The following SRPK2 variants were observed in gnomAD, a reference collection of about 807,000 sequenced individuals.
The protein encoded by SRPK2 is SRSF protein kinase 2.
In SRPK2, 21 loss-of-function variants were observed where a neutral mutation model predicts 90.8. The ratio of observed to expected loss-of-function variants is 0.23; its 90% confidence interval spans 0.16 to 0.33. The LOEUF (loss-of-function observed/expected upper bound fraction) is 0.33, where lower values mean the gene tolerates loss of function less well. Ranked by LOEUF, SRPK2 falls within the 10% of genes least tolerant of loss-of-function variation. The probability of loss-of-function intolerance (pLI) is 1.00; values close to 1 mark genes in which losing one functional copy is unlikely to be tolerated. For synonymous variants in SRPK2, 288 were observed against 311.1 expected, an observed-to-expected ratio of 0.93 and a Z score of 0.78; for missense variants, 620 against 869.0, an observed-to-expected ratio of 0.71 and a Z score of 3.60.
chr7:105,388,507 G>A (rs1220939368), intron 2 of SRPK2, 141 bp downstream of exon 2: 1 of 449,112 alleles, frequency 2.2e-6, no homozygotes. Flanking sequence ...CCGCCCGCCG[G>A]GGGCAGGAGC....
intron 3 of SRPK2, among the ~76,000 whole-genome samples, chr7:105,171,923 A>C (rs542497723): frequency 1.3e-5 from 2 of 152,022 alleles, no homozygotes; most frequent in Non-Finnish European, 2.9e-5. Flanking sequence ...TTTGAGACCG[A>C]GTTTCGCTGT....
rs879260647 is a variant in SRPK2, at chr7:105,170,981, A to AAG, written c.230-1718_230-1717dup. Reference sequence around the variant, plus strand: ...AAAGAAAGAAAGAGAAAGAAAGAGAAAGAAAGAAAGAAAGAGAAAGAAAGA... The same window carrying AAG: ...AAAGAAAGAAAGAGAAAGAAAGAGAAAGAGAAAGAAAGAAAGAGAAAGAAAGA... On this transcript the variant is annotated intron_variant, in intron 3 of 15. Coordinates refer to ENST00000393651, the MANE Select transcript of SRPK2 (RefSeq NM_182692.3). Among the ~76,000 whole-genome samples, 440 of 137,574 alleles carry AAG rather than the reference A, an allele frequency of 3.2e-3. 22 individuals carry two copies. The highest frequency in any genetic ancestry group is 4.0e-3 in the Non-Finnish European group (250 of 63,202). 90.3% of individuals were successfully genotyped at this position (137,574 alleles called of 152,430 possible).
intron 3 of SRPK2, among the ~76,000 whole-genome samples, chr7:105,187,822 A>T (rs907855261): frequency 3.3e-4 from 50 of 152,104 alleles, no homozygotes; most frequent in African/African-American, 9.7e-4. Flanking sequence ...AAGGTTTTTT[A>T]AAAAAATAGG....
intron 15 of SRPK2, among the ~76,000 whole-genome samples, chr7:105,125,116 C>T (rs938460228): frequency 5.6e-5 from 6 of 107,316 alleles, no homozygotes; most frequent in African/African-American, 2.1e-4. Context: ...GGCAACAGAG[C>T]AAGACTCCAT....
intron 6 of SRPK2, among the ~76,000 whole-genome samples, chr7:105,165,690 A>C (rs1235440857): frequency 6.6e-6 from 1 of 152,210 alleles, no homozygotes; most frequent in Non-Finnish European, 1.5e-5. Context: ...TGTAAAATGG[A>C]CCAATCGGCA....
intron 2 of SRPK2, among the ~76,000 whole-genome samples, chr7:105,292,150 T>C (rs1809117551): frequency 6.6e-6 from 1 of 152,194 alleles, no homozygotes; most frequent in Admixed American, 6.5e-5. Flanking sequence ...GTTCATGAGT[T>C]GAAAGGTTAC....
At chr7:105,196,858 T>C (rs191188295) in intron 3 of SRPK2, among the ~76,000 whole-genome samples, 4 of 152,032 alleles carry the variant, frequency 2.6e-5, no homozygotes, top group African/African-American at 9.7e-5. Context: ...GAGACCAGCA[T>C]GGCCAACATG....
intron 2 of SRPK2, among the ~76,000 whole-genome samples, chr7:105,238,007 A>C (rs1450528588): frequency 1.3e-5 from 2 of 152,232 alleles, no homozygotes; most frequent in Admixed American, 6.5e-5. Flanking sequence ...AGTTAAAGGC[A>C]AGGCATATAT....
In SRPK2 at chr7:105,203,725, T is replaced by C; in HGVS notation, c.132A>G (p.Pro44=). 2 of 1,472,300 alleles carry C rather than the reference T, an allele frequency of 1.4e-6. No homozygotes were observed. The highest frequency in any genetic ancestry group is 1.8e-6 in the Non-Finnish European group (2 of 1,081,102). The allele number at this position is 1,472,300 out of a possible 1,614,324, so 91.2% of individuals were successfully genotyped here. The change falls in exon 3 of 16, where the codon CCA becomes CCG. Residue 44 remains proline (P), a synonymous_variant. Transcript: ENST00000393651. Reference sequence around the variant, plus strand: ...GTGTGGGGTCTGGCAAAGGTGGCGGTGGTGGTGGTGGTGGCGGTGGAGGAG... The same window carrying C: ...GTGTGGGGTCTGGCAAAGGTGGCGGCGGTGGTGGTGGTGGCGGTGGAGGAG... The part of the protein sequence containing the change: ...VPPPPPPPPP[P]PPPLPDPTPP...
At chr7:105,122,928 C>T (rs1430188656) in intron 15 of SRPK2, among the ~76,000 whole-genome samples, 2 of 151,838 alleles carry the variant, frequency 1.3e-5, no homozygotes, top group East Asian at 1.9e-4. Context: ...CCATTATCCA[C>T]GCAGCAATTT....
At chr7:105,378,053 A>G (rs1486890316) in intron 2 of SRPK2, among the ~76,000 whole-genome samples, 1 of 152,012 alleles carries the variant, frequency 6.6e-6, no homozygotes, top group African/African-American at 2.4e-5. Context: ...TGACTTCCTC[A>G]GAGCCCTATT....
chr7:105,370,597 TAA>T (rs1819579956), intron 2 of SRPK2, among the ~76,000 whole-genome samples: 1 of 150,428 alleles, frequency 6.6e-6, no homozygotes, highest in Non-Finnish European at 1.5e-5. Context: ...CCAATTTTTT[TAA>T]TTAATTTTTT....
In SRPK2 at chr7:105,358,927, C is replaced by CAGAG. The variant is rs57910582; in HGVS notation, c.71+29717_71+29720dup. On this transcript the variant is annotated intron_variant, in intron 2 of 15. Coordinates refer to ENST00000393651, the MANE Select transcript of SRPK2 (RefSeq NM_182692.3). ...CTGGAAGAAAGGGGTGCTAAGAACA[C>CAGAG]AGAGAGAGAGAGAGAGAGAGAAAGC... Among the ~76,000 whole-genome samples, 54 of 148,470 alleles carry CAGAG rather than the reference C, an allele frequency of 3.6e-4. 1 individual carries two copies. In the South Asian group the frequency reaches 4.1e-3, roughly 11 times the overall value.
chr7:105,307,112 G>C (rs1462937727), intron 2 of SRPK2, among the ~76,000 whole-genome samples: 1 of 152,140 alleles, frequency 6.6e-6, no homozygotes, highest in African/African-American at 2.4e-5. Context: ...AAGAACTAAT[G>C]AACTACCTTG....
At chr7:105,300,300 A>T (rs1460415483) in intron 2 of SRPK2, among the ~76,000 whole-genome samples, 3 of 151,270 alleles carry the variant, frequency 2.0e-5, no homozygotes, top group East Asian at 3.9e-4. Context: ...CATATTTAGA[A>T]CACTATGTGC....
At chr7:105,166,325 T>C (rs552686522) in intron 6 of SRPK2, among the ~76,000 whole-genome samples, 5 of 152,308 alleles carry the variant, frequency 3.3e-5, no homozygotes, top group East Asian at 3.9e-4. Context: ...ATTTTTGCAA[T>C]ACCAAGGAAA....
chr7:105,398,154 C>A (rs1041293008), intron 1 of SRPK2, among the ~76,000 whole-genome samples: 9 of 152,042 alleles, frequency 5.9e-5, no homozygotes, highest in African/African-American at 2.2e-4. Flanking sequence ...TATTTTTCCC[C>A]AATCTGTTAC....
chr7:105,118,361 T>C (rs1799851945), intron 15 of SRPK2, among the ~76,000 whole-genome samples: 1 of 152,208 alleles, frequency 6.6e-6, no homozygotes, highest in Non-Finnish European at 1.5e-5. Flanking sequence ...CAACCTGGGA[T>C]CTTCCGTAAA....
At chr7:105,227,099 C>G (rs530999033) in intron 2 of SRPK2, among the ~76,000 whole-genome samples, 1 of 152,202 alleles carries the variant, frequency 6.6e-6, no homozygotes, top group South Asian at 2.1e-4. Context: ...CTGCTTGGTC[C>G]TTCTCTCCCT....
Sources: gnomAD v4.1 joint callset for allele counts (sites outside exome capture counted in the v4.1 genomes callset) on GRCh38, gnomAD v4.1.1 for gene constraint, MANE v1.5 for transcripts, NCBI Gene and HGNC (gene_info 2026-07-23, HGNC 2026-07-21) for gene names.